DNM2: variants seen among roughly 807,000 people sequenced by gnomAD.
DNM2 encodes the protein dynamin-2.
DNM2 carries 15 observed loss-of-function variants against 99.0 expected under a neutral mutation model. The ratio of observed to expected loss-of-function variants is 0.15; its 90% CI spans 0.10 to 0.23. DNM2 has a LOEUF of 0.23. Ranked by LOEUF, DNM2 falls within the 10% of genes least tolerant of loss-of-function variation. DNM2 has a pLI of 1.00. For synonymous variants in DNM2, 525 were observed against 481.2 expected, an observed-to-expected ratio of 1.09 and a Z score of -1.19; for missense variants, 742 against 1,189.4, an observed-to-expected ratio of 0.62 and a Z score of 5.53.
At chr19:10,780,272 G>A (rs769980942) in intron 5 of DNM2, 3 of 153,498 alleles carry the variant, frequency 2.0e-5, no homozygotes, top group African/African-American at 4.8e-5. Context: ...TGAGGTTTGG[G>A]GAGGATTTGC....
At chr19:10,782,824 C>A in intron 5 of DNM2, 136 bp from the exon 6 acceptor site, 1 of 1,234,382 alleles carries the variant, frequency 8.1e-7, no homozygotes, top group Non-Finnish European at 1.2e-6. Context: ...TGTGTTGTTT[C>A]TGAGTAACAT....
At position 10,718,348 on chromosome 19, in the gene DNM2, G is replaced by T; in HGVS notation, c.106G>T (p.Val36Leu). ...SCHLDLPQIA[V>L]VGGQSAGKSS... Reference sequence around the variant, plus strand: ...CCACCTGGACCTGCCGCAGATCGCTGTAGTGGGCGGCCAGAGCGCCGGCAA... The same window carrying T: ...CCACCTGGACCTGCCGCAGATCGCTTTAGTGGGCGGCCAGAGCGCCGGCAA... The change falls in exon 1 of 21, where the codon GTA (valine) becomes TTA (leucine). Residue 36 changes from valine to leucine, a missense_variant. Transcript: ENST00000389253. 6.6e-7 allele frequency: 1 copy of T among 1,523,860 alleles called. No individual in the cohort carries two copies. Among genetic ancestry groups the T allele is most frequent in the Admixed American group, 2.1e-5 (1 of 48,242 alleles). 94.4% of individuals were successfully genotyped at this position (1,523,860 alleles called of 1,614,324 possible). A position where few individuals can be genotyped will look rare whatever the true frequency, so the allele number is the denominator to read the frequency against.
intron 15 of DNM2, 121 bp from the exon 16 acceptor site, chr19:10,819,859 G>T: frequency 1.1e-6 from 1 of 880,152 alleles, no homozygotes. Flanking sequence ...CTCATATACA[G>T]CAGCGACCAG....
intron 18 of DNM2, 60 bp from the exon 19 acceptor site, chr19:10,828,976 A>C (rs1400102853): frequency 6.5e-7 from 1 of 1,538,666 alleles, no homozygotes; most frequent in Non-Finnish European, 8.9e-7. Context: ...TCCAGCAGTC[A>C]CTGTGGGTTC....
chr19:10,799,129 A>G (rs2072041351), intron 11 of DNM2, among the ~76,000 whole-genome samples: 2 of 152,156 alleles, frequency 1.3e-5, no homozygotes, highest in South Asian at 4.1e-4. Flanking sequence ...TGGGAGGGTG[A>G]GGTGGGAGGA....
In DNM2 at chr19:10,793,862, C is replaced by T. The variant is rs772959277; in HGVS notation, c.1128+7C>T. ...CCCATTTGAGCTGGTGAAGGTAGTG[C>T]CCCCCGGGGCTGGGCCCTCCCGTCT... On this transcript the variant is annotated splice_region_variant and intron_variant, in intron 8 of 20. Coordinates refer to ENST00000389253, the MANE Select transcript of DNM2 (RefSeq NM_001005361.3). 1.2e-6 allele frequency: 2 copies of T among 1,614,000 alleles called. No individual in the cohort carries two copies. The highest frequency in any genetic ancestry group is 1.7e-6 in the Non-Finnish European group (2 of 1,179,982).
At chr19:10,763,917 T>TG (rs959522242) in intron 2 of DNM2, among the ~76,000 whole-genome samples, 1 of 150,638 alleles carries the variant, frequency 6.6e-6, no homozygotes. Context: ...CAAGAGGCAA[T>TG]GGGGGCCTGG....
At chr19:10,788,654 T>C (rs2071648596) in intron 7 of DNM2, among the ~76,000 whole-genome samples, 1 of 152,196 alleles carries the variant, frequency 6.6e-6, no homozygotes, top group South Asian at 2.1e-4. Context: ...ACTTGGTTGG[T>C]GCAGCTGCTT....
Position 10,831,245 on chromosome 19 carries a change from A to T in DNM2, c.*198A>T. ...ACCGCACTGCGCAAAGGGGCCCTGG[A>T]GCTCCAGGCAGGGGGCGCTGGGGTG... On this transcript the variant is annotated 3_prime_UTR_variant, in exon 21 of 21. Transcript: ENST00000389253. The surrounding 1 kb of genome is among the most constrained non-coding windows in gnomAD (Gnocchi z 4.3). 1 of 1,317,896 alleles carries T rather than the reference A, an allele frequency of 7.6e-7. No homozygotes were observed. The highest frequency in any genetic ancestry group is 9.6e-7 in the Non-Finnish European group (1 of 1,037,082). 81.6% of individuals were successfully genotyped at this position (1,317,896 alleles called of 1,614,324 possible).
chr19:10,800,074 C>G (rs1398141211), intron 11 of DNM2, among the ~76,000 whole-genome samples: 1 of 152,116 alleles, frequency 6.6e-6, no homozygotes, highest in East Asian at 1.9e-4. Flanking sequence ...CCAGGCTGGT[C>G]TTGAACTCCT....
intron 1 of DNM2, among the ~76,000 whole-genome samples, chr19:10,735,990 CT>C (rs1286872250): frequency 6.6e-6 from 1 of 152,132 alleles, no homozygotes; most frequent in Non-Finnish European, 1.5e-5. Context: ...GAGATGGGGG[CT>C]GGGCACAGTG....
At chr19:10,779,401 C>T (rs753483233) in intron 5 of DNM2, among the ~76,000 whole-genome samples, 9 of 150,650 alleles carry the variant, frequency 6.0e-5, no homozygotes, top group South Asian at 2.1e-4. Flanking sequence ...GATGAGCCTG[C>T]GTTGACCCAT....
rs114026145 is a variant in DNM2, at chr19:10,730,835, G to A, written c.161+12432G>A. Among the ~76,000 whole-genome samples the A allele has an allele frequency of 2.3e-3, 355 of 152,278 alleles. 1 individual carries two copies. The highest frequency in any genetic ancestry group is 8.1e-3 in the African/African-American group (336 of 41,554). On this transcript the variant is annotated intron_variant, in intron 1 of 20. Coordinates refer to ENST00000389253, the MANE Select transcript of DNM2 (RefSeq NM_001005361.3). The stretch of plus-strand genomic sequence containing the variant: ...TCTGACTTTTGCTTCCTGCCTGGCT[G>A]CTCAGTGGCCCTGGCAGGGGCAGGC...
intron 15 of DNM2, among the ~76,000 whole-genome samples, chr19:10,815,361 G>A (rs1468783199): frequency 6.6e-6 from 1 of 152,184 alleles, no homozygotes; most frequent in African/African-American, 2.4e-5. Flanking sequence ...GACAGCTGGG[G>A]CTTGACACCC....
At chr19:10,829,840 G>A (rs1382932209) in intron 19 of DNM2, among the ~76,000 whole-genome samples, 1 of 152,126 alleles carries the variant, frequency 6.6e-6, no homozygotes, top group Non-Finnish European at 1.5e-5. Context: ...CAGGTTCCAC[G>A]GCCCCTAGAG....
intron 1 of DNM2, among the ~76,000 whole-genome samples, chr19:10,754,233 A>G (rs2070304552): frequency 6.6e-6 from 1 of 151,488 alleles, no homozygotes; most frequent in Admixed American, 6.6e-5. Flanking sequence ...CTGAGATTTC[A>G]GTTAGATATA....
intron 18 of DNM2, among the ~76,000 whole-genome samples, chr19:10,825,808 C>T (rs375006850): frequency 1.6e-4 from 23 of 144,732 alleles, no homozygotes; most frequent in African/African-American, 5.8e-4. Flanking sequence ...GAGCCAAGAT[C>T]GTGCCACTGC....
At chr19:10,719,714 GTTA>G (rs1006354386) in intron 1 of DNM2, among the ~76,000 whole-genome samples, 1 of 152,138 alleles carries the variant, frequency 6.6e-6, no homozygotes, top group Non-Finnish European at 1.5e-5. Flanking sequence ...TATTGTCATT[GTTA>G]TTGTTGTTAT....
chr19:10,801,123 C>T (rs951554514), intron 11 of DNM2, among the ~76,000 whole-genome samples: 3 of 150,842 alleles, frequency 2.0e-5, no homozygotes, highest in Admixed American at 6.6e-5. Context: ...TTGGGCAACA[C>T]GGTGAAAACC....
Sources: gnomAD v4.1 joint callset for allele counts (sites outside exome capture counted in the v4.1 genomes callset) on GRCh38, gnomAD v4.1.1 for gene constraint, Gnocchi (gnomAD v3.1) non-coding constraint, MANE v1.5 for transcripts, NCBI Gene and HGNC (gene_info 2026-07-23, HGNC 2026-07-21) for gene names.